ZFP2: variants seen among roughly 807,000 people sequenced by gnomAD.
ZFP2 encodes ZFP2 zinc finger protein.
A neutral mutation model predicts 36.1 loss-of-function variants in ZFP2; 33 were observed. The ratio of observed to expected loss-of-function variants is 0.92; its 90% confidence interval spans 0.69 to 1.22. The LOEUF is 1.22. Among genes scored for constraint, ZFP2 ranks in the 50% most tolerant of loss-of-function variants. ZFP2 has a pLI of 0.00. For missense variants in ZFP2, 522 were observed against 551.4 expected, an observed-to-expected ratio of 0.95 and a Z score of 0.53; for synonymous variants, 170 against 178.0, an observed-to-expected ratio of 0.96 and a Z score of 0.36.
At position 178,931,547 on chromosome 5, in the gene ZFP2, A is replaced by C. The variant is rs765637333; in HGVS notation, c.234A>C (p.Ser78=). 2 of 1,614,062 alleles carry C rather than the reference A, an allele frequency of 1.2e-6. No homozygotes were observed. The highest frequency in any genetic ancestry group is 1.7e-6 in the Non-Finnish European group (2 of 1,180,040). The change falls in exon 5 of 5, where the codon TCA becomes TCC. Residue 78 remains serine (S), a synonymous_variant. Transcript: ENST00000361362. ...PMVKRPHNCN[S]HGEDATQNSE... Reference sequence around the variant, plus strand: ...TAAAAAGGCCCCATAACTGTAATTCACATGGAGAAGATGCCACACAAAATT... The same window carrying C: ...TAAAAAGGCCCCATAACTGTAATTCCCATGGAGAAGATGCCACACAAAATT...
At chr5:178,918,768 T>C (rs964399349) in intron 4 of ZFP2, among the ~76,000 whole-genome samples, 3 of 152,230 alleles carry the variant, frequency 2.0e-5, no homozygotes, top group Non-Finnish European at 4.4e-5. Flanking sequence ...ATGGTAATGA[T>C]AACAGCTAAT....
At chr5:178,904,010 AAAAAG>A (rs1275337181) in intron 1 of ZFP2, among the ~76,000 whole-genome samples, 1 of 152,018 alleles carries the variant, frequency 6.6e-6, no homozygotes, top group Non-Finnish European at 1.5e-5. Flanking sequence ...AAAAGAAAAA[AAAAAG>A]AAAAGTTTTC....
chr5:178,917,626 A>C (rs1035626058), intron 4 of ZFP2, among the ~76,000 whole-genome samples: 1 of 152,148 alleles, frequency 6.6e-6, no homozygotes, highest in African/African-American at 2.4e-5. Flanking sequence ...AAAAAAAAAA[A>C]AATTTTCAGA....
rs3986659 is a variant in ZFP2 at position 178,897,042 on chromosome 5, C to CTTTT, written c.-450+1076_-450+1079dup. 7.9e-3 allele frequency among the ~76,000 whole-genome samples: 1,174 copies of CTTTT among 147,772 alleles called. 58 individuals carry two copies. In the East Asian group the frequency reaches 0.13, roughly 16 times the overall value. On this transcript the variant is annotated intron_variant, in intron 1 of 4. Transcript: ENST00000361362. The stretch of plus-strand genomic sequence containing the variant: ...TTTTTGTGTTAGGGTTTTCTTTTTT[C>CTTTT]TTTTTTTTTTTCAGTATTATAAACA...
intron 1 of ZFP2, among the ~76,000 whole-genome samples, chr5:178,899,710 G>C (rs942136162): frequency 2.0e-5 from 3 of 152,132 alleles, no homozygotes; most frequent in Admixed American, 2.0e-4. Context: ...AGCTGGGATA[G>C]TAGGTGAGGA....
intron 1 of ZFP2, chr5:178,909,845 G>T (rs1330419239): frequency 2.5e-6 from 4 of 1,587,490 alleles, no homozygotes; most frequent in Non-Finnish European, 3.5e-6. Context: ...CTTCACTGTG[G>T]TTGCTGAGGT....
rs537435524 is a variant in ZFP2, at chr5:178,908,516, C to T, written c.-449-4068C>T. On this transcript the variant is annotated intron_variant, in intron 1 of 4. Transcript: ENST00000361362. ...AGCGCTACACACAGTACAGACCTGC[C>T]CTTAGAAACAATATGCAAAACAGAT... 5.3e-5 allele frequency among the ~76,000 whole-genome samples: 8 copies of T among 151,646 alleles called. No individual in the cohort carries two copies. In the East Asian group the frequency reaches 1.4e-3, roughly 26 times the overall value.
chr5:178,917,540 G>A (rs1172811246), intron 4 of ZFP2, among the ~76,000 whole-genome samples: 11 of 151,998 alleles, frequency 7.2e-5, no homozygotes, highest in African/African-American at 2.2e-4. Flanking sequence ...ACTTGAACCC[G>A]GGAGGTGGAA....
chr5:178,906,851 C>G (rs1338673331), intron 1 of ZFP2, among the ~76,000 whole-genome samples: 2 of 149,686 alleles, frequency 1.3e-5, no homozygotes, highest in African/African-American at 2.5e-5. Flanking sequence ...CACCACCATG[C>G]CTGGCTGAGT....
intron 4 of ZFP2, among the ~76,000 whole-genome samples, chr5:178,924,382 A>G (rs1421028250): frequency 1.4e-5 from 2 of 147,824 alleles, no homozygotes; most frequent in Non-Finnish European, 3.0e-5. Context: ...CAAAAAAAAA[A>G]AAAAAAGAAA....
At chr5:178,909,439 T>C (rs573123612) in intron 1 of ZFP2, among the ~76,000 whole-genome samples, 1 of 152,278 alleles carries the variant, frequency 6.6e-6, no homozygotes, top group East Asian at 1.9e-4. Context: ...CACCAGTAAA[T>C]AGTGCTTGCT....
In ZFP2 at chr5:178,922,320, A is replaced by G; in HGVS notation, c.-78+5610A>G. 3.2e-6 allele frequency: 3 copies of G among 947,934 alleles called. 1 individual carries two copies. In the South Asian group the frequency reaches 3.9e-5, roughly 12 times the overall value. 58.7% of individuals were successfully genotyped at this position (947,934 alleles called of 1,614,324 possible). On this transcript the variant is annotated intron_variant, in intron 4 of 4. Transcript: ENST00000361362. Reference sequence around the variant, plus strand: ...ACCAGATTTTTGAAATGCTGTATCTACTTTCTTATGTCTTGTTTCTCCTTT... The same window carrying G: ...ACCAGATTTTTGAAATGCTGTATCTGCTTTCTTATGTCTTGTTTCTCCTTT...
At chr5:178,913,101 A>G in intron 3 of ZFP2, 30 bp downstream of exon 3, 1 of 976,730 alleles carries the variant, frequency 1.0e-6, no homozygotes, top group Non-Finnish European at 1.2e-6. Context: ...GACTTGTTAA[A>G]TGAGTGTGTC....
intron 1 of ZFP2, among the ~76,000 whole-genome samples, chr5:178,907,443 A>C (rs145867089): frequency 6.6e-6 from 1 of 151,778 alleles, no homozygotes; most frequent in Non-Finnish European, 1.5e-5. Flanking sequence ...ATTACCCCAC[A>C]TGAGCCTGAC....
rs896919170 is a variant in ZFP2, at chr5:178,911,858, G to A, written c.-449-726G>A. Among the ~76,000 whole-genome samples the A allele has an allele frequency of 5.3e-5, 8 of 152,114 alleles. No homozygotes were observed. In the South Asian group the frequency reaches 1.5e-3, roughly 28 times the overall value. ...AAAGTTTTAAGTAATTTATCTGGCC[G>A]GACACGGTGGCTCACTCCTGTAATC... is the stretch of plus-strand genomic sequence containing the variant. On this transcript the variant is annotated intron_variant, in intron 1 of 4. Coordinates refer to ENST00000361362, the MANE Select transcript of ZFP2 (RefSeq NM_030613.4).
chr5:178,897,959 A>G (rs1415878016), intron 1 of ZFP2, among the ~76,000 whole-genome samples: 2 of 152,146 alleles, frequency 1.3e-5, no homozygotes, highest in Non-Finnish European at 2.9e-5. Context: ...TTGTTGTAAC[A>G]CACAACTTAA....
At chr5:178,913,793 A>G (rs952802066) in intron 3 of ZFP2, 2 of 151,998 alleles carry the variant, frequency 1.3e-5, no homozygotes, top group African/African-American at 4.8e-5. Context: ...GCAAAAAAAA[A>G]AAATGCATTT....
intron 1 of ZFP2, among the ~76,000 whole-genome samples, chr5:178,906,722 A>AT (rs1387450858): frequency 6.6e-6 from 1 of 151,788 alleles, no homozygotes; most frequent in South Asian, 2.1e-4. Flanking sequence ...TGTCTGGCTA[A>AT]TTTTTTTGTA....
At chr5:178,923,952 G>C (rs1380543646) in intron 4 of ZFP2, among the ~76,000 whole-genome samples, 1 of 149,228 alleles carries the variant, frequency 6.7e-6, no homozygotes, top group Non-Finnish European at 1.5e-5. Flanking sequence ...AGAAGAATGT[G>C]TAAAATCTGA....
Sources: allele counts gnomAD v4.1 joint callset (sites outside exome capture counted in the v4.1 genomes callset), GRCh38; gene constraint gnomAD v4.1.1; transcripts MANE v1.5; gene names NCBI Gene and HGNC (gene_info 2026-07-23, HGNC 2026-07-21).